The following METAP1D variants were observed in gnomAD, a reference collection of about 807,000 sequenced individuals.
The protein encoded by METAP1D is methionyl aminopeptidase type 1D, mitochondrial, also known as methionine aminopeptidase 1D, mitochondrial.
In METAP1D, 31 loss-of-function variants were observed where a neutral mutation model predicts 40.5. That is an observed-to-expected ratio of 0.77 (90% CI 0.58 to 1.03). METAP1D has a LOEUF of 1.03. Among genes scored for constraint, METAP1D ranks in the 50% least tolerant of loss-of-function variants. METAP1D has a pLI of 0.00. For synonymous variants in METAP1D, 151 were observed against 146.4 expected, an observed-to-expected ratio of 1.03 and a Z score of -0.22; for missense variants, 411 against 420.7, an observed-to-expected ratio of 0.98 and a Z score of 0.20.
At chr2:172,005,865 T>C (rs576432504) in intron 1 of METAP1D, among the ~76,000 whole-genome samples, 4 of 152,160 alleles carry the variant, frequency 2.6e-5, no homozygotes, top group Admixed American at 1.3e-4. Context: ...CATTGGTTGA[T>C]GTGAAACAGC....
At chr2:172,080,287 A>C in intron 9 of METAP1D, 41 bp from the exon 10 acceptor site, 1 of 1,614,014 alleles carries the variant, frequency 6.2e-7, no homozygotes, top group Non-Finnish European at 8.5e-7. Flanking sequence ...GCCCGGCCGG[A>C]GCTTGCGTGC....
chr2:172,042,979 A>G (rs62183823), intron 1 of METAP1D, among the ~76,000 whole-genome samples: 70,304 of 112,034 alleles, frequency 0.63, 26,900 homozygotes, highest in East Asian at 0.93. Context: ...ACATGTGCAT[A>G]CATATGTGTG....
At chr2:172,061,417 T>C (rs1690138310) in intron 1 of METAP1D, 81 bp from the exon 2 acceptor site, 6 of 1,255,554 alleles carry the variant, frequency 4.8e-6, no homozygotes, top group Non-Finnish European at 6.6e-6. Context: ...AATGATTTAA[T>C]AGACAACACC....
chr2:172,057,008 C>T (rs1574131483), intron 1 of METAP1D, among the ~76,000 whole-genome samples: 1 of 152,260 alleles, frequency 6.6e-6, no homozygotes, highest in East Asian at 1.9e-4. Flanking sequence ...TGAAAGAATA[C>T]ATTATGTAAC....
intron 1 of METAP1D, among the ~76,000 whole-genome samples, chr2:172,049,506 C>G (rs1005022132): frequency 6.6e-6 from 1 of 151,962 alleles, no homozygotes; most frequent in African/African-American, 2.4e-5. Flanking sequence ...CCCTTTTAAG[C>G]CTGTGCCATT....
At chr2:172,037,136 C>A (rs1179840354) in intron 1 of METAP1D, among the ~76,000 whole-genome samples, 1 of 152,070 alleles carries the variant, frequency 6.6e-6, no homozygotes, top group Non-Finnish European at 1.5e-5. Flanking sequence ...GTGGTGCATA[C>A]CTATAATCCC....
intron 1 of METAP1D, among the ~76,000 whole-genome samples, chr2:172,032,188 C>T (rs1220755991): frequency 1.3e-5 from 2 of 152,124 alleles, no homozygotes; most frequent in Non-Finnish European, 2.9e-5. Context: ...CCTCTAATCT[C>T]CCAGCCTCAT....
In METAP1D at chr2:172,079,239, A is replaced by G. The variant is rs200867485; in HGVS notation, c.827A>G (p.Glu276Gly). The G allele has an allele frequency of 1.6e-4, 252 of 1,613,946 alleles. No individual in the cohort carries two copies. Among genetic ancestry groups the G allele is most frequent in the Non-Finnish European group, 2.0e-4 (240 of 1,179,990 alleles). Reference sequence around the variant, plus strand: ...GCAAACGACAGTGATCTACCCATGGAGGAGGGCATGGCATTCACTATAGGT... The same window carrying G: ...GCAAACGACAGTGATCTACCCATGGGGGAGGGCATGGCATTCACTATAGGT... ...HHANDSDLPM[E>G]EGMAFTIEPI... is the part of the protein sequence containing the mutation. The change falls in exon 8 of 10, where the codon GAG (glutamate) becomes GGG (glycine). Residue 276 changes from glutamate (E) to glycine (G), a missense_variant. Physicochemically the swap from Glu to Gly is moderately conservative, Grantham distance 98. Coordinates refer to ENST00000315796, the MANE Select transcript of METAP1D (RefSeq NM_199227.3).
intron 5 of METAP1D, among the ~76,000 whole-genome samples, chr2:172,067,721 CTA>C (rs1283843018): frequency 3.9e-5 from 6 of 152,146 alleles, no homozygotes. Flanking sequence ...AGAAAATACT[CTA>C]TTCCTTTTCT....
intron 1 of METAP1D, among the ~76,000 whole-genome samples, chr2:172,043,439 A>T (rs1052431263): frequency 7.6e-6 from 1 of 132,422 alleles, no homozygotes; most frequent in Admixed American, 7.6e-5. Flanking sequence ...CTTGGTCACG[A>T]CTCACTAACC....
At chr2:172,053,683 T>A (rs1372193960) in intron 1 of METAP1D, among the ~76,000 whole-genome samples, 2 of 152,242 alleles carry the variant, frequency 1.3e-5, no homozygotes, top group Non-Finnish European at 2.9e-5. Context: ...TGAAAAAATA[T>A]ATTCAGTAAG....
chr2:172,046,541 C>T lies in METAP1D; in HGVS notation c.41-14957C>T, dbSNP rs572316049. 1.7e-3 allele frequency among the ~76,000 whole-genome samples: 258 copies of T among 152,304 alleles called. 2 individuals are homozygous for T. The highest frequency in any genetic ancestry group is 3.9e-3 in the East Asian group (20 of 5,192). ...AGTAAAAACAACTTTTAAACCAAAA[C>T]AACTAGTAGCATTTCTGCTTTAGTA... On this transcript the variant is annotated intron_variant, in intron 1 of 9. Transcript: ENST00000315796.
At chr2:172,060,006 G>A (rs867096367) in intron 1 of METAP1D, among the ~76,000 whole-genome samples, 9 of 152,014 alleles carry the variant, frequency 5.9e-5, no homozygotes, top group Admixed American at 1.3e-4. Flanking sequence ...AGCCAAGATC[G>A]CGCCACTGTA....
chr2:172,057,844 C>T (rs1690035943), intron 1 of METAP1D, among the ~76,000 whole-genome samples: 1 of 152,092 alleles, frequency 6.6e-6, no homozygotes, highest in Non-Finnish European at 1.5e-5. Context: ...ATGTAAAGTG[C>T]CTAGTACAGT....
At position 172,079,075 on chromosome 2, in the gene METAP1D, A is replaced by C. The variant is rs1690626121; in HGVS notation, c.803-140A>C. On this transcript the variant is annotated intron_variant, in intron 7 of 9. Coordinates refer to ENST00000315796, the MANE Select transcript of METAP1D (RefSeq NM_199227.3). ...ACTCCTGGTCACTATCCAGGACTCC[A>C]GAAATCTCCACCCTTCCTTCTCTAA... 4 of 801,794 alleles carry C rather than the reference A, an allele frequency of 5.0e-6. No individual in the cohort carries two copies. The East Asian group carries it at 1.0e-4, about 21-fold the overall frequency. The allele number at this position is 801,794 out of a possible 1,614,324, so 49.7% of individuals were successfully genotyped here.
chr2:172,042,957 A>G lies in METAP1D; in HGVS notation c.41-18541A>G, dbSNP rs1172397164. 8.7e-5 allele frequency among the ~76,000 whole-genome samples: 11 copies of G among 126,458 alleles called. 3 individuals carry two copies. The highest frequency in any genetic ancestry group is 2.1e-4 in the East Asian group (1 of 4,806). 83.0% of individuals were successfully genotyped at this position (126,458 alleles called of 152,430 possible). A position where few individuals can be genotyped will look rare whatever the true frequency, so the allele number is the denominator to read the frequency against. ...TGTATACACGTATGCGTACCTGTGT[A>G]TATATATGCGTACATGTGCATACAT... is the stretch of plus-strand genomic sequence containing the variant. On this transcript the variant is annotated intron_variant, in intron 1 of 9. Coordinates refer to ENST00000315796, the MANE Select transcript of METAP1D (RefSeq NM_199227.3).
intron 1 of METAP1D, among the ~76,000 whole-genome samples, chr2:172,017,101 C>T (rs886107087): frequency 9.9e-5 from 15 of 151,974 alleles, no homozygotes; most frequent in Non-Finnish European, 2.1e-4. Flanking sequence ...CCCAGATCCC[C>T]TCTGGACTTG....
At chr2:172,070,333 AT>A (rs1690393342) in intron 5 of METAP1D, among the ~76,000 whole-genome samples, 1 of 152,086 alleles carries the variant, frequency 6.6e-6, no homozygotes, top group Admixed American at 6.5e-5. Context: ...TAGACATAGG[AT>A]TTTTCTGTAA....
intron 1 of METAP1D, among the ~76,000 whole-genome samples, chr2:172,032,859 G>C (rs60491745): frequency 0.056 from 8,448 of 152,108 alleles, 818 homozygotes; most frequent in East Asian, 0.49. Flanking sequence ...TCAGGCGATG[G>C]AGACCATCCT....
Sources: gnomAD v4.1 joint callset for allele counts (sites outside exome capture counted in the v4.1 genomes callset) on GRCh38, gnomAD v4.1.1 for gene constraint, MANE v1.5 for transcripts, NCBI Gene and HGNC (gene_info 2026-07-23, HGNC 2026-07-21) for gene names.